RRBP1: variants seen among roughly 807,000 people sequenced by gnomAD.
The protein encoded by RRBP1 is ribosome binding protein 1, also known as ribosome-binding protein 1.
Under a neutral mutation model 165.2 loss-of-function variants are expected in RRBP1, and 94 were observed. The observed-to-expected ratio is 0.57, with a 90% CI of 0.48 to 0.68. RRBP1 has a LOEUF of 0.68. RRBP1 is among the 30% of genes least tolerant of loss of function. The probability of loss-of-function intolerance (pLI) is 0.00; values close to 1 mark genes in which losing one functional copy is unlikely to be tolerated. For missense variants in RRBP1, 1,676 were observed against 1,763.0 expected (o/e 0.95, Z 0.88); for synonymous variants, 680 against 714.5 (o/e 0.95, Z 0.77).
chr20:17,676,600 A>G (rs913068192), intron 2 of RRBP1, among the ~76,000 whole-genome samples: 1 of 152,180 alleles, frequency 6.6e-6, no homozygotes, highest in Non-Finnish European at 1.5e-5. Flanking sequence ...ACCCAAGCAC[A>G]TAACATATAT....
At chr20:17,625,623 C>T in intron 11 of RRBP1, 21 bp from the exon 12 acceptor site, 1 of 1,605,752 alleles carries the variant, frequency 6.2e-7, no homozygotes. Flanking sequence ...ACAACGAGGT[C>T]ACCGCCTAGG....
intron 2 of RRBP1, among the ~76,000 whole-genome samples, chr20:17,675,643 G>A (rs1182630132): frequency 2.6e-5 from 4 of 152,230 alleles, no homozygotes; most frequent in Admixed American, 1.3e-4. Context: ...GCCATCTAAG[G>A]AAAAGCTCTT....
intron 2 of RRBP1, among the ~76,000 whole-genome samples, chr20:17,670,148 T>C (rs2036948905): frequency 6.6e-6 from 1 of 152,236 alleles, no homozygotes; most frequent in Admixed American, 6.5e-5. Flanking sequence ...TCAAATACTT[T>C]ATCTGTATCT....
chr20:17,664,340 G>C (rs949363659), intron 2 of RRBP1, among the ~76,000 whole-genome samples: 2 of 152,142 alleles, frequency 1.3e-5, no homozygotes, highest in Non-Finnish European at 2.9e-5. Context: ...TTAAAACTCA[G>C]GAAGAGTTTC....
rs369556479 is a variant in RRBP1 at position 17,624,565 on chromosome 20, C to T, written c.3147+11G>A. ...TCCATGGTGGGGGTGTGAGTGTGGT[C>T]GGGCTCTGACCTTGGCCTGGGTCAG... On this transcript the variant is annotated intron_variant, in intron 13 of 24. Coordinates refer to ENST00000377813, the MANE Select transcript of RRBP1 (RefSeq NM_001365613.2). The T allele has an allele frequency of 5.2e-5, 82 of 1,574,542 alleles. No individual in the cohort carries two copies. The African/African-American group carries it at 7.1e-4, about 14-fold the overall frequency.
rs558587641 is a variant in RRBP1 at position 17,680,536 on chromosome 20, C to T, written c.-98-461G>A. ...TTGGTGCTTCCCAGTCTCTCCTAACCTCTGACCTCTCAGAGTAATTGCCAA... is the reference window on the plus strand; with the variant it reads ...TTGGTGCTTCCCAGTCTCTCCTAACTTCTGACCTCTCAGAGTAATTGCCAA... On this transcript the variant is annotated intron_variant, in intron 1 of 24. Transcript: ENST00000377813. 2.0e-5 allele frequency among the ~76,000 whole-genome samples: 3 copies of T among 152,232 alleles called. 1 individual carries two copies. In the East Asian group the frequency reaches 5.8e-4, roughly 30 times the overall value.
At chr20:17,639,762 G>A (rs1015441261) in intron 5 of RRBP1, among the ~76,000 whole-genome samples, 1 of 152,046 alleles carries the variant, frequency 6.6e-6, no homozygotes, top group Non-Finnish European at 1.5e-5. Flanking sequence ...GTATGGTGGC[G>A]CTTGCCTGTA....
intron 2 of RRBP1, among the ~76,000 whole-genome samples, chr20:17,675,893 C>A (rs1212578955): frequency 6.6e-6 from 1 of 152,184 alleles, no homozygotes; most frequent in Non-Finnish European, 1.5e-5. Context: ...CCACCAGAGG[C>A]TAGAGAAATA....
intron 17 of RRBP1, 71 bp downstream of exon 17, chr20:17,620,644 A>C (rs893817742): frequency 8.5e-7 from 1 of 1,170,690 alleles, no homozygotes; most frequent in Non-Finnish European, 1.3e-6. Flanking sequence ...GGTGACAGAG[A>C]CAATCCTGTC....
At chr20:17,627,206 G>T in intron 11 of RRBP1, 142 bp downstream of exon 11, 1 of 781,716 alleles carries the variant, frequency 1.3e-6, no homozygotes, top group Non-Finnish European at 2.0e-6. Flanking sequence ...AATCACCGGA[G>T]GATGGGGGAG....
At position 17,621,842 on chromosome 20, in the gene RRBP1, C is replaced by T. The variant is rs1407540980; in HGVS notation, c.3240+13G>A. On this transcript the variant is annotated intron_variant, in intron 14 of 24. Transcript: ENST00000377813. The stretch of plus-strand genomic sequence containing the variant: ...GAACTGTGAGGTCCCCGGGAACCAC[C>T]CTCCCCTCCTACCTGTTGTGCCAAG... 1 of 1,613,296 alleles carries T rather than the reference C, an allele frequency of 6.2e-7. No homozygotes were observed. Among genetic ancestry groups the T allele is most frequent in the Middle Eastern group, 1.6e-4 (1 of 6,082 alleles).
intron 2 of RRBP1, among the ~76,000 whole-genome samples, chr20:17,672,898 A>C (rs1248672072): frequency 2.0e-5 from 3 of 152,194 alleles, no homozygotes; most frequent in Non-Finnish European, 4.4e-5. Context: ...GTTTGAGTCC[A>C]TTTACATCAA....
chr20:17,659,837 C>T lies in RRBP1; in HGVS notation c.671G>A (p.Gly224Glu), dbSNP rs550141562. The T allele has an allele frequency of 6.4e-7, 1 of 1,551,416 alleles. No homozygotes were observed. Among genetic ancestry groups the T allele is most frequent in the South Asian group, 1.2e-5 (1 of 84,064 alleles). ...TGTCTTTTTGCCCTGGTTTGGGGTT[C>T]CCTCTGCCTTTCTGCCCTGGTTTGG... is the stretch of plus-strand genomic sequence containing the variant. ...GAPNQGRKAE[G>E]TPNQGKKTEG... is the part of the protein sequence containing the mutation. The change falls in exon 3 of 25, where the codon GGA becomes GAA. Residue 224 changes from glycine to glutamate, a missense_variant. Physicochemically the swap from Gly to Glu is moderately conservative, Grantham distance 98 (BLOSUM62 -2). Coordinates refer to ENST00000377813, the MANE Select transcript of RRBP1 (RefSeq NM_001365613.2).
intron 2 of RRBP1, among the ~76,000 whole-genome samples, chr20:17,665,136 T>C (rs1411660946): frequency 2.0e-5 from 3 of 152,090 alleles, no homozygotes; most frequent in South Asian, 2.1e-4. Flanking sequence ...CACACATGTG[T>C]ATATGTATAT....
chr20:17,618,232 C>T (rs563577707), intron 20 of RRBP1, among the ~76,000 whole-genome samples: 2 of 152,244 alleles, frequency 1.3e-5, no homozygotes, highest in Non-Finnish European at 2.9e-5. Context: ...GAGGAACCCC[C>T]AGGCTTCCTG....
chr20:17,665,450 C>A (rs953362959), intron 2 of RRBP1, among the ~76,000 whole-genome samples: 3 of 152,208 alleles, frequency 2.0e-5, no homozygotes, highest in African/African-American at 7.2e-5. Flanking sequence ...TGGCTCACTG[C>A]AACCTCTGCC....
At chr20:17,636,271 C>T (rs1001441164) in intron 6 of RRBP1, among the ~76,000 whole-genome samples, 1 of 152,274 alleles carries the variant, frequency 6.6e-6, no homozygotes, top group African/African-American at 2.4e-5. Context: ...GAGAACTTCA[C>T]AGACACCCAG....
At chr20:17,664,079 C>T (rs917095109) in intron 2 of RRBP1, among the ~76,000 whole-genome samples, 1 of 152,146 alleles carries the variant, frequency 6.6e-6, no homozygotes, top group Non-Finnish European at 1.5e-5. Flanking sequence ...AAATTAGCCA[C>T]AGTACGAGAT....
intron 3 of RRBP1, among the ~76,000 whole-genome samples, chr20:17,647,933 T>C (rs2036493391): frequency 6.6e-6 from 1 of 152,068 alleles, no homozygotes; most frequent in African/African-American, 2.4e-5. Context: ...TAGTCCCCAG[T>C]CACCCGACCC....
Sources: gnomAD v4.1 joint callset for allele counts (sites outside exome capture counted in the v4.1 genomes callset) on GRCh38, gnomAD v4.1.1 for gene constraint, MANE v1.5 for transcripts, NCBI Gene and HGNC (gene_info 2026-07-23, HGNC 2026-07-21) for gene names.